Variants in METTL25 observed in about 807,000 individuals in gnomAD.
METTL25 encodes the protein probable methyltransferase-like protein 25.
In METTL25, 64 loss-of-function variants were observed where a neutral mutation model predicts 71.6. The ratio of observed to expected loss-of-function variants is 0.89; its 90% CI spans 0.73 to 1.10. METTL25 has a LOEUF of 1.10. Ranked by LOEUF, METTL25 falls within the 50% of genes least tolerant of loss-of-function variation. The probability of loss-of-function intolerance (pLI) is 0.00; values close to 1 mark genes in which losing one functional copy is unlikely to be tolerated. For missense variants in METTL25, 807 were observed against 707.0 expected (o/e 1.14, Z -1.60); for synonymous variants, 287 against 250.3 (o/e 1.15, Z -1.38).
intron 6 of METTL25, among the ~76,000 whole-genome samples, chr12:82,433,923 A>G (rs768312822): frequency 1.1e-4 from 17 of 151,398 alleles, no homozygotes; most frequent in Non-Finnish European, 2.2e-4. Context: ...TAAAAATTAT[A>G]TATATTTGGA....
chr12:82,386,137 A>G (rs1270044856), intron 1 of METTL25, among the ~76,000 whole-genome samples: 1 of 152,188 alleles, frequency 6.6e-6, no homozygotes, highest in African/African-American at 2.4e-5. Flanking sequence ...AGTTGTTTTC[A>G]CCAGGTTATA....
intron 8 of METTL25, 35 bp from the exon 9 acceptor site, chr12:82,456,692 G>GA: frequency 7.5e-7 from 1 of 1,327,956 alleles, no homozygotes; most frequent in Admixed American, 2.2e-5. Flanking sequence ...ATTTACATTG[G>GA]AAAAACTAAA....
chr12:82,448,130 A>G (rs192464564), intron 8 of METTL25, among the ~76,000 whole-genome samples: 21 of 152,212 alleles, frequency 1.4e-4, no homozygotes, highest in African/African-American at 4.3e-4. Flanking sequence ...CTGGCCAGCA[A>G]TAGTACTAAA....
At chr12:82,391,520 G>T (rs748317285) in intron 3 of METTL25, among the ~76,000 whole-genome samples, 38 of 136,606 alleles carry the variant, frequency 2.8e-4, no homozygotes, top group Admixed American at 4.7e-4. Context: ...TAATTGTACA[G>T]TGTGATGTTT....
At chr12:82,382,288 G>A (rs1884514982) in intron 1 of METTL25, among the ~76,000 whole-genome samples, 1 of 152,134 alleles carries the variant, frequency 6.6e-6, no homozygotes, top group Non-Finnish European at 1.5e-5. Context: ...GACAGATCTA[G>A]GCTGTGTGAT....
At chr12:82,365,406 A>C (rs1203782951) in intron 1 of METTL25, among the ~76,000 whole-genome samples, 1 of 152,224 alleles carries the variant, frequency 6.6e-6, no homozygotes, top group East Asian at 1.9e-4. Context: ...AAAATGTCTA[A>C]AAGTTAGTAC....
At chr12:82,398,172 C>T (rs1045564520) in intron 3 of METTL25, among the ~76,000 whole-genome samples, 12 of 151,122 alleles carry the variant, frequency 7.9e-5, no homozygotes, top group African/African-American at 2.7e-4. Context: ...TTTGTACATC[C>T]TTCATTAAAT....
intron 5 of METTL25, among the ~76,000 whole-genome samples, chr12:82,428,758 C>G (rs1372327176): frequency 8.7e-6 from 1 of 115,160 alleles, no homozygotes; most frequent in East Asian, 2.9e-4. Context: ...ATTGACTTAA[C>G]CTGTCTGTCT....
intron 8 of METTL25, among the ~76,000 whole-genome samples, chr12:82,449,716 C>T (rs531236794): frequency 6.6e-6 from 1 of 152,242 alleles, no homozygotes; most frequent in South Asian, 2.1e-4. Flanking sequence ...TCCTCTGCTA[C>T]CTTCTGAGCT....
intron 9 of METTL25, among the ~76,000 whole-genome samples, chr12:82,463,394 T>C (rs148243763): frequency 2.6e-3 from 401 of 152,168 alleles, no homozygotes; most frequent in African/African-American, 9.0e-3. Flanking sequence ...CTACACATGT[T>C]GCCAGGAATG....
intron 1 of METTL25, among the ~76,000 whole-genome samples, chr12:82,386,170 T>C (rs1884970959): frequency 6.6e-6 from 1 of 152,134 alleles, no homozygotes; most frequent in Non-Finnish European, 1.5e-5. Flanking sequence ...TTGGAACTCA[T>C]ATTGACAGTG....
rs1307684875 is a variant in METTL25 at position 82,399,076 on chromosome 12, G to T, written c.813G>T (p.Lys271Asn). ...ACAACAGTCCTACAAATCAAGAAAAGATGCCTACCTCAGCTATTTTGCCTG... is the reference window on the plus strand; with the variant it reads ...ACAACAGTCCTACAAATCAAGAAAATATGCCTACCTCAGCTATTTTGCCTG... ...VFNNSPTNQE[K>N]MPTSAILPDF... is the part of the protein sequence containing the mutation. Residue 271 changes from lysine to asparagine, a missense_variant, in exon 4 of 12, where the codon AAG (lysine) becomes AAT (asparagine). By Grantham distance (94) the Lys-to-Asn change is moderately conservative (BLOSUM62 0). Transcript: ENST00000248306. 2 of 1,613,024 alleles carry T rather than the reference G, an allele frequency of 1.2e-6. No individual in the cohort carries two copies. Among genetic ancestry groups the T allele is most frequent in the East Asian group, 2.2e-5 (1 of 44,780 alleles).
intron 1 of METTL25, among the ~76,000 whole-genome samples, chr12:82,381,031 C>T (rs1884392561): frequency 6.6e-6 from 1 of 152,092 alleles, no homozygotes; most frequent in African/African-American, 2.4e-5. Flanking sequence ...TTGCTGAACC[C>T]CCTTCAATCC....
At position 82,399,134 on chromosome 12, in the gene METTL25, A is replaced by C. The variant is rs1886352647; in HGVS notation, c.871A>C (p.Asn291His). 1 of 1,613,686 alleles carries C rather than the reference A, an allele frequency of 6.2e-7. No individual in the cohort carries two copies. Among genetic ancestry groups the C allele is most frequent in the Admixed American group, 1.7e-5 (1 of 59,976 alleles). Residue 291 changes from asparagine (N) to histidine (H), a missense_variant, in exon 4 of 12, where the codon AAC becomes CAC. Asn to His is a moderately conservative substitution (Grantham distance 68). Coordinates refer to ENST00000248306, the MANE Select transcript of METTL25 (RefSeq NM_032230.3). Reference protein sequence around the residue: ...FSGSVISNIRNQMETLHSQPH... With the variant: ...FSGSVISNIRHQMETLHSQPH... ...TGGCTCTGTAATTTCTAATATCAGA[A>C]ACCAAATGGAAACCCTTCATTCTCA... is the stretch of plus-strand genomic sequence containing the variant.
intron 8 of METTL25, among the ~76,000 whole-genome samples, chr12:82,442,174 A>G (rs904085263): frequency 6.6e-6 from 1 of 152,098 alleles, no homozygotes; most frequent in African/African-American, 2.4e-5. Flanking sequence ...GGTAACCCCT[A>G]TCAGGGTGTC....
At chr12:82,429,497 G>C (rs79976160) in intron 5 of METTL25, among the ~76,000 whole-genome samples, 1,929 of 151,568 alleles carry the variant, frequency 0.013, 24 homozygotes, top group Middle Eastern at 0.024. Context: ...ACTGTGAATA[G>C]TGCTGCAATA....
At chr12:82,392,360 G>A (rs552105933) in intron 3 of METTL25, among the ~76,000 whole-genome samples, 6 of 150,480 alleles carry the variant, frequency 4.0e-5, no homozygotes, top group Non-Finnish European at 8.9e-5. Flanking sequence ...GTGGTGTTTG[G>A]TTTTTTGTTC....
At chr12:82,430,192 C>A (rs1470356162) in intron 5 of METTL25, among the ~76,000 whole-genome samples, 1 of 145,220 alleles carries the variant, frequency 6.9e-6, no homozygotes, top group Non-Finnish European at 1.5e-5. Context: ...CTTTTTTTTT[C>A]TTTTCAAAAA....
chr12:82,459,291 A>C (rs1474844761), intron 9 of METTL25, among the ~76,000 whole-genome samples: 1 of 152,206 alleles, frequency 6.6e-6, no homozygotes, highest in Non-Finnish European at 1.5e-5. Flanking sequence ...AAGAGATTGA[A>C]ATTTTTAAAA....
Sources: gnomAD v4.1 joint callset for allele counts (sites outside exome capture counted in the v4.1 genomes callset) on GRCh38, gnomAD v4.1.1 for gene constraint, MANE v1.5 for transcripts, NCBI Gene and HGNC (gene_info 2026-07-23, HGNC 2026-07-21) for gene names.